The following EYA1 variants were observed in gnomAD, a reference collection of about 807,000 sequenced individuals.
The protein encoded by EYA1 is EYA transcriptional coactivator and phosphatase 1, also known as protein phosphatase EYA1.
A neutral mutation model predicts 82.0 loss-of-function variants in EYA1; 16 were observed. The ratio of observed to expected loss-of-function variants is 0.20; its 90% CI spans 0.13 to 0.30. The LOEUF is 0.30. EYA1 is among the 10% of genes least tolerant of loss of function. The pLI is 1.00. For synonymous variants in EYA1, 261 were observed against 264.4 expected (o/e 0.99, Z 0.12); for missense variants, 633 against 730.7 (o/e 0.87, Z 1.54).
chr8:71,526,338 T>C (rs1043509360), intron 2 of EYA1, among the ~76,000 whole-genome samples: 6 of 152,088 alleles, frequency 3.9e-5, no homozygotes, highest in African/African-American at 1.2e-4. Context: ...ATGATCAAGC[T>C]TCACTTCTCT....
intron 7 of EYA1, 41 bp from the exon 8 acceptor site, chr8:71,299,761 T>G: frequency 4.9e-6 from 5 of 1,022,914 alleles, no homozygotes; most frequent in Non-Finnish European, 7.7e-6. Context: ...ACCAGGCTTG[T>G]GGAATAATGT....
chr8:71,336,177 G>C (rs562176896), intron 3 of EYA1, among the ~76,000 whole-genome samples: 23 of 152,256 alleles, frequency 1.5e-4, no homozygotes, highest in African/African-American at 4.3e-4. Flanking sequence ...TTGACTCCAA[G>C]GCCCATGACT....
At chr8:71,479,779 G>A (rs1809986696) in intron 2 of EYA1, among the ~76,000 whole-genome samples, 1 of 152,116 alleles carries the variant, frequency 6.6e-6, no homozygotes, top group Non-Finnish European at 1.5e-5. Flanking sequence ...AGTGGATAGG[G>A]TTTCCTAAGA....
chr8:71,390,101 CTTCCTTATATTCCTGAATA>C (rs1368041203), intron 2 of EYA1, among the ~76,000 whole-genome samples: 2 of 151,834 alleles, frequency 1.3e-5, no homozygotes, highest in Middle Eastern at 3.2e-3. Context: ...TACGTTAAAT[CTTCCTTATATTCCTGAATA>C]TTCCTTATAT....
rs555744837 is a variant in EYA1, at chr8:71,411,927, C to T, written c.34-55416G>A. On this transcript the variant is annotated intron_variant, in intron 2 of 18. Transcript: ENST00000643681. ...TCATGCTTCTATAAAGACACATGCA[C>T]ACGTATGTTTATTGCAGCATTATTC... Among the ~76,000 whole-genome samples the T allele has an allele frequency of 1.8e-3, 269 of 150,990 alleles. 1 individual carries two copies. Among genetic ancestry groups the T allele is most frequent in the African/African-American group, 6.4e-3 (262 of 41,056 alleles).
chr8:71,419,828 T>C (rs528598978), intron 2 of EYA1, among the ~76,000 whole-genome samples: 2 of 152,028 alleles, frequency 1.3e-5, no homozygotes, highest in Admixed American at 6.6e-5. Flanking sequence ...AATAGAAAAA[T>C]CCTCAAAGAT....
At chr8:71,513,070 T>C (rs1198757302) in intron 2 of EYA1, among the ~76,000 whole-genome samples, 1 of 152,164 alleles carries the variant, frequency 6.6e-6, no homozygotes, top group Non-Finnish European at 1.5e-5. Flanking sequence ...TGAGACTCAA[T>C]GATCTTATAT....
chr8:71,239,223 T>C (rs1166794289), intron 12 of EYA1, among the ~76,000 whole-genome samples: 2 of 152,194 alleles, frequency 1.3e-5, no homozygotes, highest in Non-Finnish European at 2.9e-5. Context: ...TTATGACTAA[T>C]AATCATTTCT....
Position 71,198,280 on chromosome 8 carries a change from G to A in EYA1, c.*1060C>T, listed in dbSNP as rs1171658220. On this transcript the variant is annotated 3_prime_UTR_variant, in exon 18 of 18. Transcript: ENST00000340726. Reference sequence around the variant, plus strand: ...AATACATTAGTGTGGAAATGAAAAAGTGAGGTGGTAGGAGAGCTCATTTTG... The same window carrying A: ...AATACATTAGTGTGGAAATGAAAAAATGAGGTGGTAGGAGAGCTCATTTTG... 6.6e-6 allele frequency: 1 copy of A among 152,590 alleles called. No homozygotes were observed. The highest frequency in any genetic ancestry group is 2.4e-5 in the African/African-American group (1 of 41,434). The allele number at this position is 152,590 out of a possible 1,614,324, so 9.5% of individuals were successfully genotyped here. A position where few individuals can be genotyped will look rare whatever the true frequency, so the allele number is the denominator to read the frequency against.
At chr8:71,540,235 A>C (rs939537417) in intron 1 of EYA1, among the ~76,000 whole-genome samples, 2 of 152,220 alleles carry the variant, frequency 1.3e-5, no homozygotes, top group Non-Finnish European at 2.9e-5. Flanking sequence ...AGAAAAGAAA[A>C]AAAATATGCA....
intron 10 of EYA1, among the ~76,000 whole-genome samples, chr8:71,271,362 A>G (rs1430485746): frequency 2.0e-5 from 3 of 152,176 alleles, no homozygotes; most frequent in Non-Finnish European, 2.9e-5. Context: ...CTGTTGTGCT[A>G]TCAAATAGTA....
intron 2 of EYA1, among the ~76,000 whole-genome samples, chr8:71,463,634 C>CTCT (rs1563640282): frequency 4.5e-5 from 5 of 111,716 alleles, no homozygotes; most frequent in Admixed American, 1.8e-4. Context: ...TCTCTCTCTC[C>CTCT]CTCCCTCCCC....
intron 2 of EYA1, among the ~76,000 whole-genome samples, chr8:71,470,534 T>C (rs915294490): frequency 6.6e-6 from 1 of 152,068 alleles, no homozygotes; most frequent in African/African-American, 2.4e-5. Flanking sequence ...AAAACCGCAA[T>C]TGCTTTTGCA....
At chr8:71,294,234 T>C (rs190297399) in intron 9 of EYA1, among the ~76,000 whole-genome samples, 5 of 151,772 alleles carry the variant, frequency 3.3e-5, no homozygotes, top group Admixed American at 3.3e-4. Flanking sequence ...CCGAGGCGGG[T>C]GGATCACGAG....
chr8:71,422,672 T>C (rs13268856), intron 2 of EYA1, among the ~76,000 whole-genome samples: 53,290 of 152,002 alleles, frequency 0.35, 10,073 homozygotes, highest in Non-Finnish European at 0.42. Context: ...TTTGCAATTA[T>C]GGCAGAAGGG....
Position 71,343,913 on chromosome 8 carries a change from T to C in EYA1, c.125-9739A>G, listed in dbSNP as rs76835131. 2.7e-3 allele frequency among the ~76,000 whole-genome samples: 408 copies of C among 152,304 alleles called. 1 individual carries two copies. The highest frequency in any genetic ancestry group is 4.1e-3 in the Admixed American group (63 of 15,292). ...CAATATTATGCTATAAAATTTATCATACAGACAGGAAAGTTGGAAGAATTA... is the reference window on the plus strand; with the variant it reads ...CAATATTATGCTATAAAATTTATCACACAGACAGGAAAGTTGGAAGAATTA... On this transcript the variant is annotated intron_variant, in intron 3 of 17. Transcript: ENST00000340726.
At chr8:71,357,016 GT>G (rs1165899620) in intron 1 of EYA1, among the ~76,000 whole-genome samples, 10 of 152,102 alleles carry the variant, frequency 6.6e-5, no homozygotes, top group Admixed American at 2.6e-4. Context: ...TATCATAATG[GT>G]TTTCTCCTAC....
At chr8:71,489,927 G>T (rs1285717997) in intron 2 of EYA1, among the ~76,000 whole-genome samples, 1 of 152,180 alleles carries the variant, frequency 6.6e-6, no homozygotes, top group Non-Finnish European at 1.5e-5. Context: ...CTGCCCAGCT[G>T]CTGCCTGAGC....
rs987192319 is a variant in EYA1, at chr8:71,381,049, A to C, written c.34-24538T>G. 2.0e-5 allele frequency among the ~76,000 whole-genome samples: 3 copies of C among 152,228 alleles called. No homozygotes were observed. The East Asian group carries it at 5.8e-4, about 29-fold the overall frequency. On this transcript the variant is annotated intron_variant, in intron 2 of 18. Coordinates refer to the EYA1 transcript ENST00000643681. Reference sequence around the variant, plus strand: ...AGGTCTTAAAACCCTTCAACAGTTCACAAGACCCCATTATCAAAGAAAATC... The same window carrying C: ...AGGTCTTAAAACCCTTCAACAGTTCCCAAGACCCCATTATCAAAGAAAATC...
Sources: gnomAD v4.1 joint callset for allele counts (sites outside exome capture counted in the v4.1 genomes callset) on GRCh38, gnomAD v4.1.1 for gene constraint, MANE v1.5 for transcripts, NCBI Gene and HGNC (gene_info 2026-07-23, HGNC 2026-07-21) for gene names.